CADPS2: variants seen among roughly 807,000 people sequenced by gnomAD.
CADPS2 encodes calcium-dependent secretion activator 2.
In CADPS2, 93 loss-of-function variants were observed where a neutral mutation model predicts 172.5. The ratio of observed to expected loss-of-function variants is 0.54; its 90% CI spans 0.46 to 0.64. CADPS2 has a LOEUF of 0.64. Ranked by LOEUF, CADPS2 falls within the 30% of genes least tolerant of loss-of-function variation. The pLI, the probability that CADPS2 is intolerant of heterozygous loss-of-function variation, is 0.00. For missense variants in CADPS2, 1,420 were observed against 1,565.9 expected (o/e 0.91, Z 1.57); for synonymous variants, 546 against 555.2 (o/e 0.98, Z 0.23).
intron 8 of CADPS2, among the ~76,000 whole-genome samples, chr7:122,525,040 G>C (rs942284916): frequency 6.6e-5 from 10 of 151,992 alleles, no homozygotes; most frequent in Non-Finnish European, 1.2e-4. Context: ...TCAGGAGGCT[G>C]AGGTGGGAGG....
intron 29 of CADPS2, among the ~76,000 whole-genome samples, chr7:122,323,069 C>T (rs2032946392): frequency 6.6e-6 from 1 of 152,122 alleles, no homozygotes; most frequent in Non-Finnish European, 1.5e-5. Context: ...TAAGCAAAAC[C>T]ATGTAAGTTC....
intron 2 of CADPS2, among the ~76,000 whole-genome samples, chr7:122,670,252 G>T (rs184240842): frequency 6.6e-6 from 1 of 151,886 alleles, no homozygotes; most frequent in East Asian, 2.0e-4. Flanking sequence ...CACCAAAATC[G>T]TCACCATGGC....
At chr7:122,703,238 C>A (rs142716487) in intron 2 of CADPS2, among the ~76,000 whole-genome samples, 1 of 152,070 alleles carries the variant, frequency 6.6e-6, no homozygotes, top group Non-Finnish European at 1.5e-5. Flanking sequence ...AGCTGTAAGG[C>A]AAAGGCAAAG....
At chr7:122,599,252 C>T (rs1308873085) in intron 6 of CADPS2, among the ~76,000 whole-genome samples, 1 of 151,950 alleles carries the variant, frequency 6.6e-6, no homozygotes, top group Admixed American at 6.6e-5. Context: ...TTGAAAATAC[C>T]ATACAGCATA....
chr7:122,720,169 C>T (rs545300520), intron 2 of CADPS2, among the ~76,000 whole-genome samples: 27 of 151,980 alleles, frequency 1.8e-4, no homozygotes, highest in Non-Finnish European at 3.1e-4. Context: ...TCAGACCTAA[C>T]GAGTCATTCT....
chr7:122,799,600 T>A (rs1419272462), intron 1 of CADPS2, among the ~76,000 whole-genome samples: 1 of 121,832 alleles, frequency 8.2e-6, no homozygotes, highest in Non-Finnish European at 1.6e-5. Context: ...CCAGATTCCA[T>A]CTCAAAAAAA....
chr7:122,515,649 A>T (rs2060303622), intron 8 of CADPS2, among the ~76,000 whole-genome samples: 1 of 152,066 alleles, frequency 6.6e-6, no homozygotes, highest in African/African-American at 2.4e-5. Context: ...GGTCATATAC[A>T]AGTGAAAGTA....
intron 11 of CADPS2, among the ~76,000 whole-genome samples, chr7:122,483,656 T>C (rs775095932): frequency 5.3e-5 from 8 of 152,112 alleles, no homozygotes; most frequent in Non-Finnish European, 1.0e-4. Flanking sequence ...TAGCAATGTA[T>C]TGTGGGATTT....
chr7:122,553,005 G>A (rs1431118308), intron 8 of CADPS2, among the ~76,000 whole-genome samples: 1 of 151,946 alleles, frequency 6.6e-6, no homozygotes, highest in African/African-American at 2.4e-5. Flanking sequence ...AGGACTCCCT[G>A]CCTTTGTACA....
chr7:122,664,393 T>C lies in CADPS2; in HGVS notation c.454-824A>G, dbSNP rs558114189. On this transcript the variant is annotated intron_variant, in intron 2 of 29. Coordinates refer to ENST00000449022, the MANE Select transcript of CADPS2 (RefSeq NM_017954.11). Reference sequence around the variant, plus strand: ...GAAAGCAATACCTCTAAGGGACTTCTAATTGTCCATTACTACTGGAAAATA... The same window carrying C: ...GAAAGCAATACCTCTAAGGGACTTCCAATTGTCCATTACTACTGGAAAATA... Among the ~76,000 whole-genome samples, 3 of 152,270 alleles carry C rather than the reference T, an allele frequency of 2.0e-5. No individual in the cohort carries two copies. In the East Asian group the frequency reaches 5.8e-4, roughly 29 times the overall value.
chr7:122,790,473 T>C (rs1293385359), intron 1 of CADPS2, among the ~76,000 whole-genome samples: 1 of 151,744 alleles, frequency 6.6e-6, no homozygotes, highest in Non-Finnish European at 1.5e-5. Context: ...TTAATGTTCC[T>C]ATAATCCAAG....
intron 11 of CADPS2, among the ~76,000 whole-genome samples, chr7:122,485,262 C>T (rs953633334): frequency 6.6e-6 from 1 of 152,196 alleles, no homozygotes; most frequent in Non-Finnish European, 1.5e-5. Flanking sequence ...GTGAGCAAGG[C>T]ATGTCAAAAG....
At chr7:122,833,559 TG>T (rs1284955469) in intron 1 of CADPS2, among the ~76,000 whole-genome samples, 13 of 151,706 alleles carry the variant, frequency 8.6e-5, no homozygotes, top group South Asian at 4.1e-4. Context: ...TGTTTTGTTT[TG>T]TTTTTTTGTA....
chr7:122,815,811 A>C (rs1801197188), intron 1 of CADPS2, among the ~76,000 whole-genome samples: 1 of 152,164 alleles, frequency 6.6e-6, no homozygotes, highest in Admixed American at 6.5e-5. Flanking sequence ...TTTGCTAAAG[A>C]ATTAACCAAA....
At chr7:122,483,043 T>C (rs2057461575) in intron 11 of CADPS2, among the ~76,000 whole-genome samples, 1 of 152,202 alleles carries the variant, frequency 6.6e-6, no homozygotes, top group Non-Finnish European at 1.5e-5. Flanking sequence ...AAGAAAGATG[T>C]TGGTCCAGAA....
At chr7:122,469,533 G>A (rs1563423446) in intron 14 of CADPS2, among the ~76,000 whole-genome samples, 1 of 152,112 alleles carries the variant, frequency 6.6e-6, no homozygotes, top group Non-Finnish European at 1.5e-5. Flanking sequence ...AAGTGCAGAG[G>A]GTTGAGTGTG....
At chr7:122,851,405 T>C (rs1813580294) in intron 1 of CADPS2, among the ~76,000 whole-genome samples, 1 of 152,100 alleles carries the variant, frequency 6.6e-6, no homozygotes, top group Non-Finnish European at 1.5e-5. Context: ...AGAGTGAAGG[T>C]GGACTCAGAG....
intron 24 of CADPS2, among the ~76,000 whole-genome samples, chr7:122,384,166 A>G (rs2043343467): frequency 6.6e-6 from 1 of 152,102 alleles, no homozygotes; most frequent in Non-Finnish European, 1.5e-5. Context: ...TAATCACTCC[A>G]TTAAACCCTA....
At chr7:122,333,255 T>C (rs1307911123) in intron 28 of CADPS2, among the ~76,000 whole-genome samples, 1 of 152,222 alleles carries the variant, frequency 6.6e-6, no homozygotes, top group Non-Finnish European at 1.5e-5. Flanking sequence ...TATAAAAGTA[T>C]ATTGGACTCT....
Sources: allele counts gnomAD v4.1 joint callset (sites outside exome capture counted in the v4.1 genomes callset), GRCh38; gene constraint gnomAD v4.1.1; transcripts MANE v1.5; gene names NCBI Gene and HGNC (gene_info 2026-07-23, HGNC 2026-07-21).